TRIM2: variants seen among roughly 807,000 people sequenced by gnomAD.
The protein encoded by TRIM2 is tripartite motif-containing protein 2.
TRIM2 carries 20 observed loss-of-function variants against 75.2 expected under a neutral mutation model. The ratio of observed to expected loss-of-function variants is 0.27; its 90% confidence interval spans 0.19 to 0.39. TRIM2 has a LOEUF of 0.39. Among genes scored for constraint, TRIM2 ranks in the 10% least tolerant of loss-of-function variants. The pLI is 1.00. For synonymous variants in TRIM2, 373 were observed against 388.3 expected (o/e 0.96, Z 0.46); for missense variants, 660 against 990.8 (o/e 0.67, Z 4.48).
At chr4:153,195,566 G>A (rs1340509075) in intron 1 of TRIM2, among the ~76,000 whole-genome samples, 3 of 152,188 alleles carry the variant, frequency 2.0e-5, no homozygotes, top group Admixed American at 2.0e-4. Context: ...AAAGCTAGGA[G>A]AGAGGCGGAT....
intron 1 of TRIM2, among the ~76,000 whole-genome samples, chr4:153,221,420 C>T (rs1739952484): frequency 6.6e-6 from 1 of 152,098 alleles, no homozygotes; most frequent in South Asian, 2.1e-4. Flanking sequence ...AGAACGAGAC[C>T]CTGTCTCAAA....
chr4:153,281,429 G>C (rs539025311), intron 3 of TRIM2, among the ~76,000 whole-genome samples: 15 of 152,358 alleles, frequency 9.8e-5, no homozygotes, highest in Admixed American at 5.9e-4. Flanking sequence ...CAAATTAGCA[G>C]CATGTGCCTT....
At chr4:153,266,149 G>A (rs1220924345) in intron 1 of TRIM2, among the ~76,000 whole-genome samples, 1 of 152,054 alleles carries the variant, frequency 6.6e-6, no homozygotes, top group African/African-American at 2.4e-5. Context: ...GCTTCACAAG[G>A]TTCTATATGT....
chr4:153,288,955 A>G (rs1045410645), intron 3 of TRIM2, among the ~76,000 whole-genome samples: 7 of 152,014 alleles, frequency 4.6e-5, no homozygotes, highest in Non-Finnish European at 1.0e-4. Flanking sequence ...TTATCTCTCT[A>G]TTAATATTCT....
At chr4:153,261,581 T>A (rs1406447125) in intron 1 of TRIM2, among the ~76,000 whole-genome samples, 1 of 152,186 alleles carries the variant, frequency 6.6e-6, no homozygotes, top group African/African-American at 2.4e-5. Context: ...TACCCACAAA[T>A]CACATGTTAA....
intron 6 of TRIM2, among the ~76,000 whole-genome samples, chr4:153,313,188 T>C (rs1048935631): frequency 1.3e-5 from 2 of 152,126 alleles, no homozygotes; most frequent in Non-Finnish European, 2.9e-5. Context: ...ATTTCACGAG[T>C]GTTCACTGCT....
At chr4:153,197,817 G>A (rs1184299631) in intron 1 of TRIM2, among the ~76,000 whole-genome samples, 5 of 152,160 alleles carry the variant, frequency 3.3e-5, no homozygotes, top group African/African-American at 1.2e-4. Flanking sequence ...AGGTTCTAGT[G>A]AGCCAAGATT....
At chr4:153,162,177 T>C (rs1345202870) in intron 1 of TRIM2, among the ~76,000 whole-genome samples, 1 of 152,220 alleles carries the variant, frequency 6.6e-6, no homozygotes, top group Non-Finnish European at 1.5e-5. Flanking sequence ...CTTGTTTGGA[T>C]TGAGTGTATC....
chr4:153,304,201 C>T (rs1441004049), intron 6 of TRIM2, among the ~76,000 whole-genome samples: 1 of 152,128 alleles, frequency 6.6e-6, no homozygotes, highest in Non-Finnish European at 1.5e-5. Flanking sequence ...TTAATCTCCA[C>T]CTCCTGGGTT....
At chr4:153,293,800 T>C (rs1167265246) in intron 4 of TRIM2, among the ~76,000 whole-genome samples, 1 of 152,198 alleles carries the variant, frequency 6.6e-6, no homozygotes, top group Non-Finnish European at 1.5e-5. Context: ...GGATAAATGT[T>C]TTATGTGGCT....
intron 1 of TRIM2, among the ~76,000 whole-genome samples, chr4:153,231,554 G>A (rs895745602): frequency 3.9e-5 from 6 of 152,128 alleles, no homozygotes; most frequent in Admixed American, 1.3e-4. Flanking sequence ...GACTGAGCAG[G>A]TCTAGGCAAG....
At chr4:153,216,962 G>A (rs11099878) in intron 1 of TRIM2, among the ~76,000 whole-genome samples, 53,918 of 152,084 alleles carry the variant, frequency 0.35, 10,396 homozygotes, top group East Asian at 0.63. Flanking sequence ...TCAGGCCACA[G>A]CAATGAGATT....
intron 1 of TRIM2, among the ~76,000 whole-genome samples, chr4:153,216,922 G>A (rs1738636634): frequency 6.6e-6 from 1 of 152,172 alleles, no homozygotes; most frequent in African/African-American, 2.4e-5. Context: ...TGGCAGTTAA[G>A]TTTCAACATA....
At position 153,275,982 on chromosome 4, in the gene TRIM2, C is replaced by A; in HGVS notation, c.305C>A (p.Ala102Asp). 1 of 1,614,200 alleles carries A rather than the reference C, an allele frequency of 6.2e-7. No homozygotes were observed. Among genetic ancestry groups the A allele is most frequent in the Non-Finnish European group, 8.5e-7 (1 of 1,180,036 alleles). The part of the protein sequence containing the change: ...QTSILPEKGV[A>D]ALQNNFFITN... ...TCCATCCTGCCCGAGAAAGGGGTGG[C>A]CGCGCTCCAGAACAATTTCTTCATC... The change falls in exon 3 of 12, where the codon GCC becomes GAC. Residue 102 changes from alanine to aspartate, a missense_variant. This residue lies in a region of TRIM2 where 620 missense variants were observed against 891.0 expected (regional missense o/e 0.70). Coordinates refer to ENST00000338700, the MANE Select transcript of TRIM2 (RefSeq NM_015271.5).
chr4:153,287,647 A>G (rs937662795), intron 3 of TRIM2, among the ~76,000 whole-genome samples: 2 of 152,136 alleles, frequency 1.3e-5, no homozygotes, highest in East Asian at 3.8e-4. Context: ...TTAGCTTATA[A>G]TGATTTAATT....
rs1277313027 is a variant in TRIM2, at chr4:153,335,198, T to C, written c.*232T>C. ...TACTGAATCTATAAAAACTGCAGTT[T>C]TACATCTGTGAACTATGGCTTAAGG... On this transcript the variant is annotated 3_prime_UTR_variant, in exon 12 of 12. Transcript: ENST00000338700. The C allele has an allele frequency of 3.3e-6, 4 of 1,215,602 alleles. No individual in the cohort carries two copies. The Admixed American group carries it at 1.6e-4, about 49-fold the overall frequency. The allele number at this position is 1,215,602 out of a possible 1,614,324, so 75.3% of individuals were successfully genotyped here.
intron 2 of TRIM2, among the ~76,000 whole-genome samples, 195 bp from the exon 3 acceptor site, chr4:153,275,698 T>C (rs1757854349): frequency 6.6e-6 from 1 of 152,248 alleles, no homozygotes; most frequent in African/African-American, 2.4e-5. Flanking sequence ...TTTATTTCCT[T>C]GAGCATAATC....
chr4:153,164,101 A>C (rs1169620239), intron 1 of TRIM2, among the ~76,000 whole-genome samples: 1 of 152,162 alleles, frequency 6.6e-6, no homozygotes, highest in Non-Finnish European at 1.5e-5. Flanking sequence ...ACTTTGTTTT[A>C]ATAACTTTTT....
At chr4:153,244,397 TTCTTCTTCTTCTTCTTCTTCTTC>T (rs1748274765) in intron 1 of TRIM2, among the ~76,000 whole-genome samples, 1 of 77,702 alleles carries the variant, frequency 1.3e-5, no homozygotes. Flanking sequence ...CTTCTTCTTC[TTCTTCTTCTTCTTCTTCTTCTTC>T]TTCTTCTTCT....
Sources: allele counts gnomAD v4.1 joint callset (sites outside exome capture counted in the v4.1 genomes callset), GRCh38; gene constraint gnomAD v4.1.1; regional missense constraint gnomAD v4.1.1; transcripts MANE v1.5; gene names NCBI Gene and HGNC (gene_info 2026-07-23, HGNC 2026-07-21).